The following CLSTN1 variants were observed in gnomAD, a reference collection of about 807,000 sequenced individuals.
CLSTN1 encodes the protein calsyntenin 1.
A neutral mutation model predicts 108.3 loss-of-function variants in CLSTN1; 28 were observed. That is an observed-to-expected ratio of 0.26 (90% CI 0.19 to 0.35). The LOEUF is 0.35. Ranked by LOEUF, CLSTN1 falls within the 10% of genes least tolerant of loss-of-function variation. The pLI is 1.00. For synonymous variants in CLSTN1, 524 were observed against 534.9 expected, an observed-to-expected ratio of 0.98 and a Z score of 0.28; for missense variants, 1,157 against 1,302.6, an observed-to-expected ratio of 0.89 and a Z score of 1.72.
At chr1:9,774,319 A>C (rs1052249379) in intron 1 of CLSTN1, among the ~76,000 whole-genome samples, 1 of 152,032 alleles carries the variant, frequency 6.6e-6, no homozygotes, top group Non-Finnish European at 1.5e-5. Context: ...TAATCCCAGC[A>C]CTTTGGGAGG....
At chr1:9,740,006 T>G (rs539551390) in intron 10 of CLSTN1, among the ~76,000 whole-genome samples, 1 of 150,996 alleles carries the variant, frequency 6.6e-6, no homozygotes, top group African/African-American at 2.4e-5. Context: ...TTAGTAGAGA[T>G]GGGATTTCAC....
At chr1:9,805,106 C>A (rs913966913) in intron 1 of CLSTN1, among the ~76,000 whole-genome samples, 1 of 151,904 alleles carries the variant, frequency 6.6e-6, no homozygotes, top group Non-Finnish European at 1.5e-5. Context: ...GGAGACAGAG[C>A]AAGACTCCTC....
chr1:9,747,115 C>G (rs986849197), intron 7 of CLSTN1, among the ~76,000 whole-genome samples: 2 of 136,328 alleles, frequency 1.5e-5, no homozygotes, highest in Non-Finnish European at 3.0e-5. Flanking sequence ...AGGAGGCAGA[C>G]GTTGCAGTGA....
chr1:9,781,007 C>T (rs985263309), intron 1 of CLSTN1: 40 of 484,632 alleles, frequency 8.3e-5, no homozygotes, highest in Admixed American at 1.6e-4. Flanking sequence ...TAAAAAGTTT[C>T]GGATTTTGGA....
chr1:9,784,878 C>T (rs1653408473), intron 1 of CLSTN1, among the ~76,000 whole-genome samples: 1 of 152,038 alleles, frequency 6.6e-6, no homozygotes, highest in African/African-American at 2.4e-5. Context: ...AAATCTCCAG[C>T]TGATTCTTTT....
At position 9,751,035 on chromosome 1, in the gene CLSTN1, AGC is replaced by A. The variant is rs1312325756; in HGVS notation, c.649+436_649+437del. ...AGCTGAGATCGCACCACTGTACTCC[AGC>A]CTGGGGAACAGAGTGAGAAACTGTC... On this transcript the variant is annotated intron_variant, in intron 5 of 18. Transcript: ENST00000377298. Among the ~76,000 whole-genome samples the A allele has an allele frequency of 6.3e-4, 96 of 152,270 alleles. 1 individual carries two copies. The highest frequency in any genetic ancestry group is 2.1e-3 in the African/African-American group (86 of 41,544).
At chr1:9,778,118 T>C (rs1461327607) in intron 1 of CLSTN1, among the ~76,000 whole-genome samples, 2 of 152,040 alleles carry the variant, frequency 1.3e-5, no homozygotes, top group East Asian at 3.9e-4. Flanking sequence ...TCATAGGTCG[T>C]TGTGTGATTA....
intron 2 of CLSTN1, 134 bp downstream of exon 2, chr1:9,773,138 T>G (rs111281242): frequency 2.5e-6 from 3 of 1,214,896 alleles, no homozygotes; most frequent in Non-Finnish European, 3.5e-6. Flanking sequence ...AAAAACATGC[T>G]ACAAAGGACG....
At chr1:9,804,361 CAAAAAAA>C (rs35632390) in intron 1 of CLSTN1, among the ~76,000 whole-genome samples, 1 of 65,124 alleles carries the variant, frequency 1.5e-5, no homozygotes, top group Non-Finnish European at 3.4e-5. Flanking sequence ...GACTCCATCT[CAAAAAAA>C]AAAAAAAAAA....
intron 7 of CLSTN1, among the ~76,000 whole-genome samples, chr1:9,746,844 C>T (rs1472131485): frequency 6.6e-6 from 1 of 152,074 alleles, no homozygotes; most frequent in Non-Finnish European, 1.5e-5. Context: ...CCACCTACTT[C>T]GTAGACTTGT....
rs1054757583 is a variant in CLSTN1, at chr1:9,730,768, TCTC to T, written c.2749-66_2749-64del. The T allele has an allele frequency of 1.4e-6, 2 of 1,458,034 alleles. No homozygotes were observed. The highest frequency in any genetic ancestry group is 2.8e-5 in the African/African-American group (2 of 71,288). 90.3% of individuals were successfully genotyped at this position (1,458,034 alleles called of 1,614,324 possible). ...TGCCCACAGCCCCGTCACCTGGCAT[TCTC>T]CTCTCGACAGCCACAGAGGAAGGAG... On this transcript the variant is annotated intron_variant, in intron 18 of 18. Coordinates refer to ENST00000377298, the MANE Select transcript of CLSTN1 (RefSeq NM_001009566.3). The surrounding 1 kb of genome is among the most constrained non-coding windows in gnomAD (Gnocchi z 5.6).
intron 7 of CLSTN1, among the ~76,000 whole-genome samples, chr1:9,745,802 T>A (rs1225064729): frequency 2.3e-5 from 3 of 128,904 alleles, no homozygotes; most frequent in African/African-American, 2.9e-5. Context: ...CAGGGTCTCC[T>A]CTCTCGCCCA....
chr1:9,747,176 C>CAAAAAAAAAAAAAA (rs70998306), intron 7 of CLSTN1, among the ~76,000 whole-genome samples: 2 of 32,746 alleles, frequency 6.1e-5, no homozygotes, highest in East Asian at 2.4e-3. Context: ...GAGACTGTCT[C>CAAAAAAAAAAAAAA]AAAAAAAAAA....
chr1:9,768,101 A>G (rs986750043), intron 2 of CLSTN1, among the ~76,000 whole-genome samples: 4 of 152,162 alleles, frequency 2.6e-5, no homozygotes, highest in African/African-American at 9.7e-5. Flanking sequence ...TAAGTAGCAG[A>G]GCTACGATTC....
chr1:9,786,551 G>T (rs551103430), intron 1 of CLSTN1, among the ~76,000 whole-genome samples: 24 of 148,024 alleles, frequency 1.6e-4, no homozygotes, highest in African/African-American at 2.3e-4. Context: ...ACTGAGGCAG[G>T]AGAATTGCTT....
rs1650512941 is a variant in CLSTN1, at chr1:9,733,441, T to C, written c.2387A>G (p.Glu796Gly). 1 of 1,614,204 alleles carries C rather than the reference T, an allele frequency of 6.2e-7. No individual in the cohort carries two copies. Among genetic ancestry groups the C allele is most frequent in the East Asian group, 2.2e-5 (1 of 44,884 alleles). The part of the protein sequence containing the change: ...LDRKFKLICS[E>G]LNGRYISNEF... ...GTTGCTGATGTAGCGGCCATTCAGC[T>C]CTGAGCAGATGAGCTTAAACTTCCG... Residue 796 changes from glutamate to glycine, a missense_variant, in exon 16 of 19, where the codon GAG (glutamate) becomes GGG (glycine). Glu to Gly is a moderately conservative substitution (Grantham distance 98). Coordinates refer to ENST00000377298, the MANE Select transcript of CLSTN1 (RefSeq NM_001009566.3).
chr1:9,735,934 T>C lies in CLSTN1; in HGVS notation c.1685A>G (p.Lys562Arg), dbSNP rs779387484. Residue 562 changes from lysine to arginine, a missense_variant, in exon 12 of 19, where the codon AAG becomes AGG. Transcript: ENST00000377298. Reference sequence around the variant, plus strand: ...GAGGACCTGCAGGTCCAGCCCCTCCTTGCAGGTATACAGACAGTCGATCAC... The same window carrying C: ...GAGGACCTGCAGGTCCAGCCCCTCCCTGCAGGTATACAGACAGTCGATCAC... ...KKVIDCLYTC[K>R]EGLDLQVLED... The C allele has an allele frequency of 3.1e-6, 5 of 1,614,058 alleles. No homozygotes were observed. In the East Asian group the frequency reaches 8.9e-5, roughly 29 times the overall value.
chr1:9,761,296 C>T (rs1428493926), intron 2 of CLSTN1, among the ~76,000 whole-genome samples: 2 of 152,106 alleles, frequency 1.3e-5, no homozygotes, highest in Non-Finnish European at 2.9e-5. Context: ...AGTTCGAGAC[C>T]AGCCTGGCCA....
Position 9,823,770 on chromosome 1 carries a change from G to A in CLSTN1, c.-37C>T. The A allele has an allele frequency of 1.0e-6, 1 of 988,998 alleles. No homozygotes were observed. The highest frequency in any genetic ancestry group is 1.2e-6 in the Non-Finnish European group (1 of 824,524). The allele number at this position is 988,998 out of a possible 1,614,324, so 61.3% of individuals were successfully genotyped here. On this transcript the variant is annotated 5_prime_UTR_variant, in exon 1 of 19. Coordinates refer to ENST00000377298, the MANE Select transcript of CLSTN1 (RefSeq NM_001009566.3). The surrounding 1 kb of genome is among the most constrained non-coding windows in gnomAD (Gnocchi z 6.3). Reference sequence around the variant, plus strand: ...GGCGGGAGCGGCAGGGAGGCGCGCGGGACGCCGAGCGGAGCTCTCGGAGCT... The same window carrying A: ...GGCGGGAGCGGCAGGGAGGCGCGCGAGACGCCGAGCGGAGCTCTCGGAGCT...
Sources: gnomAD v4.1 joint callset for allele counts (sites outside exome capture counted in the v4.1 genomes callset) on GRCh38, gnomAD v4.1.1 for gene constraint, Gnocchi (gnomAD v3.1) non-coding constraint, MANE v1.5 for transcripts, NCBI Gene and HGNC (gene_info 2026-07-23, HGNC 2026-07-21) for gene names.